The following ATP11C variants were observed in gnomAD, a reference collection of about 807,000 sequenced individuals.
ATP11C encodes the protein phospholipid-transporting ATPase IG.
In ATP11C, 36 loss-of-function variants were observed where a neutral mutation model predicts 97.4. The ratio of observed to expected loss-of-function variants is 0.37; its 90% confidence interval spans 0.28 to 0.49. The LOEUF (loss-of-function observed/expected upper bound fraction) is 0.49, where lower values mean the gene tolerates loss of function less well. Ranked by LOEUF, ATP11C falls within the 20% of genes least tolerant of loss-of-function variation. The pLI, the probability that ATP11C is intolerant of heterozygous loss-of-function variation, is 0.98. For synonymous variants in ATP11C, 275 were observed against 290.9 expected, an observed-to-expected ratio of 0.95 and a Z score of 0.56; for missense variants, 730 against 824.6, an observed-to-expected ratio of 0.89 and a Z score of 1.40.
At chrX:139,801,834 A>G (rs1365444555) in intron 7 of ATP11C, among the ~76,000 whole-genome samples, 1 of 112,013 alleles carries the variant, frequency 8.9e-6, no homozygotes, top group Non-Finnish European at 1.9e-5. Flanking sequence ...ATTCTAAGAA[A>G]GGATAGAACC....
At chrX:139,773,177 C>T (rs1171376710) in intron 19 of ATP11C, among the ~76,000 whole-genome samples, 1 of 111,450 alleles carries the variant, frequency 9.0e-6, no homozygotes. Context: ...CCTCATTTTT[C>T]TCTTGTCGCT....
chrX:139,769,221 A>C (rs2082198196), intron 19 of ATP11C, among the ~76,000 whole-genome samples: 2 of 94,452 alleles, frequency 2.1e-5, no homozygotes, highest in South Asian at 5.4e-4. Context: ...ACAAATCATC[A>C]ATTAGTCTGA....
intron 22 of ATP11C, among the ~76,000 whole-genome samples, chrX:139,760,713 G>A (rs2082020244): frequency 9.0e-6 from 1 of 111,356 alleles, no homozygotes; most frequent in Non-Finnish European, 1.9e-5. Context: ...GTGATAAAAC[G>A]GAAACCAAGG....
intron 1 of ATP11C, among the ~76,000 whole-genome samples, chrX:139,920,350 C>CAAAAAA: frequency 1.8e-5 from 1 of 56,782 alleles, no homozygotes; most frequent in Non-Finnish European, 3.5e-5. Flanking sequence ...GACTCCACCT[C>CAAAAAA]AAAAAAAAAA....
Position 139,757,881 on chromosome X carries a change from AT to A in ATP11C, c.2641-15del. ...GAAACAAAGGTTCTGAAAAAAAAAA[AT>A]TAAGACAAGGATTAACATTTTCACT... On this transcript the variant is annotated splice_polypyrimidine_tract_variant and intron_variant, in intron 22 of 29. Transcript: ENST00000682941. The A allele has an allele frequency of 1.8e-6, 2 of 1,121,820 alleles. No individual in the cohort carries two copies. Among genetic ancestry groups the A allele is most frequent in the Non-Finnish European group, 1.2e-6 (1 of 827,994 alleles). The allele number at this position is 1,121,820 out of a possible 1,213,427, so 92.5% of individuals were successfully genotyped here.
chrX:139,732,651 C>A, intron 28 of ATP11C: 1 of 200,345 alleles, frequency 5.0e-6, no homozygotes, highest in South Asian at 6.8e-5. Context: ...CTTGAGAATT[C>A]GAAGCCGAAA....
chrX:139,809,820 G>A (rs890120658), intron 5 of ATP11C, among the ~76,000 whole-genome samples: 1 of 110,521 alleles, frequency 9.0e-6, no homozygotes, highest in East Asian at 2.9e-4. Flanking sequence ...AAAAAAATTA[G>A]CCGGGCATGG....
In ATP11C at chrX:139,802,299, G is replaced by A; in HGVS notation, c.596C>T (p.Ala199Val). ...TGCTCGGAGGGTATCGATGGATTCTGCTGTACACAGTGCAATGGTATCACG... is the reference window on the plus strand; with the variant it reads ...TGCTCGGAGGGTATCGATGGATTCTACTGTACACAGTGCAATGGTATCACG... Reference protein sequence around the residue: ...AVRDTIALCTAESIDTLRAAI... With the variant: ...AVRDTIALCTVESIDTLRAAI... Residue 199 changes from alanine (A) to valine (V), a missense_variant, in exon 7 of 30, where the codon GCA becomes GTA. By Grantham distance (64) the Ala-to-Val change is moderately conservative (BLOSUM62 0). Transcript: ENST00000682941. 8.3e-7 allele frequency: 1 copy of A among 1,207,311 alleles called. No homozygotes were observed. The highest frequency in any genetic ancestry group is 1.1e-6 in the Non-Finnish European group (1 of 891,390).
chrX:139,742,870 AAAAAAAATATATATATATAT>A (rs1325606622), intron 26 of ATP11C, among the ~76,000 whole-genome samples: 15 of 23,943 alleles, frequency 6.3e-4, no homozygotes, highest in East Asian at 3.3e-3. Flanking sequence ...AAATTAAAAA[AAAAAAAATATATATATATAT>A]ATATATATAT....
At chrX:139,757,073 G>C (rs1450486142) in intron 23 of ATP11C, among the ~76,000 whole-genome samples, 3 of 108,738 alleles carry the variant, frequency 2.8e-5, no homozygotes, top group African/African-American at 1.0e-4. Flanking sequence ...AGTGTACTTT[G>C]TATTCACAGA....
chrX:139,769,281 CATATATATATATATATATATATATATAT>C lies in ATP11C; in HGVS notation c.2217-875_2217-848del, dbSNP rs55984113. ...GACAAATGGCTTTGGGGCAAACATA[CATATATATATATATATATATATATATAT>C]ATATATATATATATATATTCTTTAA... is the stretch of plus-strand genomic sequence containing the variant. On this transcript the variant is annotated intron_variant, in intron 19 of 29. Transcript: ENST00000682941. Among the ~76,000 whole-genome samples the C allele has an allele frequency of 6.6e-3, 186 of 28,080 alleles. 3 individuals carry two copies. In the East Asian group the frequency reaches 0.12, roughly 18 times the overall value. The allele number at this position is 28,080 out of a possible 115,157, so 24.4% of individuals were successfully genotyped here. A position where few individuals can be genotyped will look rare whatever the true frequency, so the allele number is the denominator to read the frequency against.
At chrX:139,881,966 T>G (rs1001106410) in intron 1 of ATP11C, among the ~76,000 whole-genome samples, 4 of 111,704 alleles carry the variant, frequency 3.6e-5, no homozygotes, top group Non-Finnish European at 7.5e-5. Context: ...AAGATATACT[T>G]ATTTGGGGAA....
At chrX:139,872,719 T>A (rs1008474821) in intron 1 of ATP11C, among the ~76,000 whole-genome samples, 1 of 111,514 alleles carries the variant, frequency 9.0e-6, no homozygotes, top group Admixed American at 9.6e-5. Flanking sequence ...TTAAAAAAAA[T>A]TGACAGGAGG....
chrX:139,857,792 A>T (rs749637983), intron 1 of ATP11C, among the ~76,000 whole-genome samples: 3 of 94,435 alleles, frequency 3.2e-5, no homozygotes, highest in East Asian at 3.0e-4. Context: ...TTTTTAAATT[A>T]AAAAAAAAAA....
At chrX:139,807,860 G>A (rs957694556) in intron 5 of ATP11C, among the ~76,000 whole-genome samples, 2 of 109,965 alleles carry the variant, frequency 1.8e-5, no homozygotes, top group African/African-American at 6.7e-5. Context: ...ATGGAGGTGG[G>A]AGGACTGCCT....
At chrX:139,779,041 T>C (rs1258746673) in intron 18 of ATP11C, among the ~76,000 whole-genome samples, 4 of 111,680 alleles carry the variant, frequency 3.6e-5, no homozygotes, top group African/African-American at 1.3e-4. Context: ...AAGATTTAAC[T>C]AGCCTAAATA....
intron 1 of ATP11C, among the ~76,000 whole-genome samples, chrX:139,848,462 T>C (rs1194931381): frequency 9.1e-6 from 1 of 110,068 alleles, no homozygotes. Flanking sequence ...TTCTACTACA[T>C]AGCTCTTTAA....
At chrX:139,836,853 G>A (rs1413594096) in intron 1 of ATP11C, among the ~76,000 whole-genome samples, 2 of 111,703 alleles carry the variant, frequency 1.8e-5, no homozygotes, top group African/African-American at 6.5e-5. Context: ...AAAACAGAAT[G>A]AAATCCATTT....
rs1424215574 is a variant in ATP11C, at chrX:139,860,121, A to G, written c.28-33298T>C. 7.4e-5 allele frequency among the ~76,000 whole-genome samples: 8 copies of G among 108,587 alleles called. 1 individual carries two copies. Among genetic ancestry groups the G allele is most frequent in the African/African-American group, 1.0e-4 (3 of 29,537 alleles). The allele number at this position is 108,587 out of a possible 115,157, so 94.3% of individuals were successfully genotyped here. On this transcript the variant is annotated intron_variant, in intron 1 of 29. Coordinates refer to ENST00000682941, the MANE Select transcript of ATP11C (RefSeq NM_001353812.2). ...CTCCGTCTCAAAAAAAAAAAAAAAA[A>G]AAAAAGAAAAGAAAGTGCTTAACAA...
Sources: allele counts gnomAD v4.1 joint callset (sites outside exome capture counted in the v4.1 genomes callset), GRCh38; gene constraint gnomAD v4.1.1; transcripts MANE v1.5; gene names NCBI Gene and HGNC (gene_info 2026-07-23, HGNC 2026-07-21).